Variants in NBPF3 observed in about 807,000 individuals in gnomAD.
NBPF3 encodes the protein NBPF family member NBPF3.
Under a neutral mutation model 78.1 loss-of-function variants are expected in NBPF3, and 57 were observed. The observed-to-expected ratio is 0.73, with a 90% CI of 0.59 to 0.91. The LOEUF (loss-of-function observed/expected upper bound fraction) is 0.91, where lower values mean the gene tolerates loss of function less well. NBPF3 is among the 40% of genes least tolerant of loss of function. The pLI is 0.00. For synonymous variants in NBPF3, 182 were observed against 271.7 expected, an observed-to-expected ratio of 0.67 and a Z score of 3.25; for missense variants, 510 against 715.3, an observed-to-expected ratio of 0.71 and a Z score of 3.27.
intron 14 of NBPF3, 31 bp from the exon 15 acceptor site, chr1:21,483,112 G>T: frequency 6.2e-7 from 1 of 1,612,166 alleles, no homozygotes; most frequent in Non-Finnish European, 8.5e-7. Context: ...ATTTTCCCTG[G>T]CTGCTTCTTT....
chr1:21,466,059 A>G (rs534939676), intron 2 of NBPF3: 2 of 981,894 alleles, frequency 2.0e-6, no homozygotes, highest in East Asian at 1.1e-4. Flanking sequence ...GAATGTGCCT[A>G]ACGTCCTGAC....
chr1:21,451,376 G>A (rs952794452), intron 2 of NBPF3, among the ~76,000 whole-genome samples: 2 of 152,192 alleles, frequency 1.3e-5, no homozygotes, highest in African/African-American at 2.4e-5. Flanking sequence ...CAGTTGTTTG[G>A]TTCTGTAAGA....
At chr1:21,477,972 A>G (rs1642972534) in intron 8 of NBPF3, 172 bp from the exon 9 acceptor site, 4 of 1,435,092 alleles carry the variant, frequency 2.8e-6, no homozygotes, top group Non-Finnish European at 3.8e-6. Context: ...TCCTCAGAGC[A>G]GTCACCCTCC....
chr1:21,439,851 G>C (rs762445995), upstream of NBPF3, among the ~76,000 whole-genome samples: 2 of 152,168 alleles, frequency 1.3e-5, no homozygotes, highest in African/African-American at 2.4e-5. Context: ...TGGCAGGGGC[G>C]GTTCAAGTGG....
rs917010524 is a variant in NBPF3, at chr1:21,445,178, C to A, written c.92C>A (p.Ser31Ter). 1.2e-6 allele frequency: 2 copies of A among 1,611,934 alleles called. No individual in the cohort carries two copies. The highest frequency in any genetic ancestry group is 4.5e-5 in the East Asian group (2 of 44,866). Reference protein sequence around the residue: ...TSPFGAPRAASHGVGRHQELR... With the variant: ...TSPFGAPRAA ...CCATTCGGTGCACCAAGAGCAGCCTCACATGGTGTGGGCCGACATCAAGAG... is the reference window on the plus strand; with the variant it reads ...CCATTCGGTGCACCAAGAGCAGCCTAACATGGTGTGGGCCGACATCAAGAG... Residue 31 changes from serine (S) to a stop codon, truncating the protein, a stop_gained, in exon 2 of 15, where the codon TCA (serine) becomes TAA (stop). Coordinates refer to ENST00000318249, the MANE Select transcript of NBPF3 (RefSeq NM_032264.6). LOFTEE classifies it high-confidence loss of function.
chr1:21,458,748 C>G (rs115943525), intron 2 of NBPF3, among the ~76,000 whole-genome samples: 2,749 of 152,242 alleles, frequency 0.018, 69 homozygotes, highest in Admixed American at 0.047. Context: ...CTCCTTGAGG[C>G]CGAGGGCTGA....
rs1195625328 is a variant in NBPF3, at chr1:21,466,949, C to T, written c.134-1739C>T. On this transcript the variant is annotated intron_variant, in intron 2 of 14. Coordinates refer to ENST00000318249, the MANE Select transcript of NBPF3 (RefSeq NM_032264.6). ...TGAATATTTACTGAATTATATGGAT[C>T]CTATGAATAATTACTGAATAATTAC... is the stretch of plus-strand genomic sequence containing the variant. The T allele has an allele frequency of 2.2e-5, 21 of 971,464 alleles. No homozygotes were observed. In the African/African-American group the frequency reaches 3.0e-4, roughly 14 times the overall value. 60.2% of individuals were successfully genotyped at this position (971,464 alleles called of 1,614,324 possible). A position where few individuals can be genotyped will look rare whatever the true frequency, so the allele number is the denominator to read the frequency against.
At chr1:21,440,538 C>A (rs1244512570) in intron 1 of NBPF3, among the ~76,000 whole-genome samples, 190 bp downstream of exon 1, 8 of 152,186 alleles carry the variant, frequency 5.3e-5, no homozygotes, top group Non-Finnish European at 1.0e-4. Flanking sequence ...CCGCTGCCGC[C>A]CTCAGCCCAG....
intron 2 of NBPF3, among the ~76,000 whole-genome samples, chr1:21,455,377 C>T (rs574599403): frequency 6.6e-6 from 1 of 152,314 alleles, no homozygotes; most frequent in African/African-American, 2.4e-5. Context: ...CACTGAGGGT[C>T]ATCTTAGGAT....
At chr1:21,451,563 T>C (rs1057092265) in intron 2 of NBPF3, among the ~76,000 whole-genome samples, 1 of 152,190 alleles carries the variant, frequency 6.6e-6, no homozygotes, top group Non-Finnish European at 1.5e-5. Context: ...AGGACACCTG[T>C]CATCACCACC....
upstream of NBPF3, among the ~76,000 whole-genome samples, chr1:21,439,655 T>G (rs1027537990): frequency 6.6e-6 from 1 of 152,210 alleles, no homozygotes; most frequent in Non-Finnish European, 1.5e-5. Context: ...TGATTTTTTT[T>G]TTTTAATAGA....
chr1:21,441,458 G>C (rs1640642387), intron 1 of NBPF3, among the ~76,000 whole-genome samples: 1 of 152,082 alleles, frequency 6.6e-6, no homozygotes, highest in African/African-American at 2.4e-5. Context: ...TGTAATCCCA[G>C]CACTTTGGGA....
At position 21,460,761 on chromosome 1, in the gene NBPF3, T is replaced by C. The variant is rs1490262557; in HGVS notation, c.134-7927T>C. Among the ~76,000 whole-genome samples, 1 of 152,200 alleles carries C rather than the reference T, an allele frequency of 6.6e-6. No individual in the cohort carries two copies. Among genetic ancestry groups the C allele is most frequent in the Non-Finnish European group, 1.5e-5 (1 of 68,032 alleles). The stretch of plus-strand genomic sequence containing the variant: ...CAATAAGAAATCAAGCAAATTGCCC[T>C]TCATTTTTAAAAACCTTCTGCTTAT... On this transcript the variant is annotated intron_variant, in intron 2 of 14. Coordinates refer to ENST00000318249, the MANE Select transcript of NBPF3 (RefSeq NM_032264.6). This position sits in a 1 kb window ranked among gnomAD's most constrained non-coding sequence, Gnocchi z 4.2.
At position 21,480,065 on chromosome 1, in the gene NBPF3, T is replaced by G; in HGVS notation, c.1223T>G (p.Leu408Arg). ...EATSPRLSRE[L>R]LDEKEPEVLQ... ...TACTTTTCCAGGCTCAGCAGGGAGCTGCTGGATGAGAAAGAGCCTGAAGTC... is the reference window on the plus strand; with the variant it reads ...TACTTTTCCAGGCTCAGCAGGGAGCGGCTGGATGAGAAAGAGCCTGAAGTC... The change falls in exon 11 of 15, where the codon CTG becomes CGG. Residue 408 changes from leucine to arginine, a missense_variant. Physicochemically the swap from Leu to Arg is moderately radical, Grantham distance 102. This residue lies in a region of NBPF3 where 22 missense variants were observed against 59.9 expected (regional missense o/e 0.37). Transcript: ENST00000318249. 1 of 1,193,906 alleles carries G rather than the reference T, an allele frequency of 8.4e-7. No homozygotes were observed. Among genetic ancestry groups the G allele is most frequent in the Non-Finnish European group, 1.3e-6 (1 of 795,102 alleles). 74.0% of individuals were successfully genotyped at this position (1,193,906 alleles called of 1,614,324 possible).
chr1:21,469,033 C>T (rs2147981494), intron 3 of NBPF3, 136 bp downstream of exon 3: 2 of 757,900 alleles, frequency 2.6e-6, no homozygotes, highest in South Asian at 1.9e-5. Context: ...GGCATTTTCA[C>T]ATTTTGTTAA....
intron 2 of NBPF3, among the ~76,000 whole-genome samples, chr1:21,448,841 C>T (rs1290340824): frequency 6.6e-6 from 1 of 152,146 alleles, no homozygotes; most frequent in Non-Finnish European, 1.5e-5. Flanking sequence ...TCCCTGTGAC[C>T]TCAATTCTCT....
intron 5 of NBPF3, among the ~76,000 whole-genome samples, chr1:21,472,332 G>C (rs1238782903): frequency 2.6e-5 from 4 of 152,216 alleles, no homozygotes; most frequent in Non-Finnish European, 4.4e-5. Context: ...TGATGTGGGG[G>C]CATTTGGTGG....
Position 21,483,562 on chromosome 1 carries a change from G to A in NBPF3, c.*176G>A, listed in dbSNP as rs527600200. ...GGCCACCTGTGCTCAGTCTGAAGACGTTGGACCCAAGTTAGGTGTGACACG... is the reference window on the plus strand; with the variant it reads ...GGCCACCTGTGCTCAGTCTGAAGACATTGGACCCAAGTTAGGTGTGACACG... On this transcript the variant is annotated 3_prime_UTR_variant, in exon 15 of 15. Coordinates refer to ENST00000318249, the MANE Select transcript of NBPF3 (RefSeq NM_032264.6). 42,474 of 163,182 alleles carry A rather than the reference G, an allele frequency of 0.26. 12,324 individuals are homozygous for A. Among genetic ancestry groups the A allele is most frequent in the South Asian group, 0.64 (6,127 of 9,522 alleles). The allele number at this position is 163,182 out of a possible 1,614,324, so 10.1% of individuals were successfully genotyped here. A position where few individuals can be genotyped will look rare whatever the true frequency, so the allele number is the denominator to read the frequency against.
Position 21,471,682 on chromosome 1 carries a change from T to C in NBPF3, c.560T>C (p.Leu187Pro). ...RSLNQHLQALLTPDEPDNSQG... is the reference protein window; with the variant it reads ...RSLNQHLQALPTPDEPDNSQG... ...TTGAATCAGCATCTCCAGGCCCTCC[T>C]CACTCCGGATGAGCCGGACAACTCC... The change falls in exon 5 of 15, where the codon CTC becomes CCC. Residue 187 changes from leucine (L) to proline (P), a missense_variant. This residue lies in a region of NBPF3 where 440 missense variants were observed against 478.2 expected (regional missense o/e 0.92). Coordinates refer to ENST00000318249, the MANE Select transcript of NBPF3 (RefSeq NM_032264.6). 8.1e-6 allele frequency: 13 copies of C among 1,613,286 alleles called. No homozygotes were observed. Among genetic ancestry groups the C allele is most frequent in the Non-Finnish European group, 1.1e-5 (13 of 1,179,826 alleles).
Sources: allele counts gnomAD v4.1 joint callset (sites outside exome capture counted in the v4.1 genomes callset), GRCh38; gene constraint gnomAD v4.1.1; regional missense constraint gnomAD v4.1.1; non-coding constraint Gnocchi (gnomAD v3.1); transcripts MANE v1.5; gene names NCBI Gene and HGNC (gene_info 2026-07-23, HGNC 2026-07-21).